CTH: variants seen among roughly 807,000 people sequenced by gnomAD.
The protein encoded by CTH is cystathionine gamma-lyase, also known as cystathionase (cystathionine gamma-lyase).
Under a neutral mutation model 50.6 loss-of-function variants are expected in CTH, and 41 were observed. The ratio of observed to expected loss-of-function variants is 0.81; its 90% CI spans 0.63 to 1.05. The LOEUF is 1.05. CTH is among the 50% of genes least tolerant of loss of function. CTH has a pLI of 0.00. For missense variants in CTH, 470 were observed against 492.6 expected (o/e 0.95, Z 0.43); for synonymous variants, 156 against 168.9 (o/e 0.92, Z 0.59).
In CTH at chr1:70,429,787, C is replaced by T. The variant is rs371610652; in HGVS notation, c.589-7C>T. The T allele has an allele frequency of 2.5e-6, 4 of 1,608,940 alleles. No individual in the cohort carries two copies. Among genetic ancestry groups the T allele is most frequent in the Non-Finnish European group, 1.7e-6 (2 of 1,175,806 alleles). On this transcript the variant is annotated splice_polypyrimidine_tract_variant and splice_region_variant and intron_variant, in intron 5 of 11. Coordinates refer to ENST00000370938, the MANE Select transcript of CTH (RefSeq NM_001902.6). ...TCTCATTTAAAGTAAAAAACTTGTTCTTTCAGCGCCCTTTGGCTCTGGGAG... is the reference window on the plus strand; with the variant it reads ...TCTCATTTAAAGTAAAAAACTTGTTTTTTCAGCGCCCTTTGGCTCTGGGAG...
intron 3 of CTH, among the ~76,000 whole-genome samples, chr1:70,421,212 T>G (rs546220481): frequency 3.7e-4 from 57 of 152,312 alleles, no homozygotes; most frequent in Non-Finnish European, 1.3e-4. Context: ...TTCATTGACA[T>G]TGATTCATTT....
rs28498802 is a variant in CTH at position 70,417,936 on chromosome 1, G to T, written c.251-1G>T. The T allele has an allele frequency of 6.2e-7, 1 of 1,613,874 alleles. No homozygotes were observed. The highest frequency in any genetic ancestry group is 1.3e-5 in the African/African-American group (1 of 74,992). ...TTACTCTAACTTGATTTTTATTTTA[G>T]GTTTGGCCTTTGCTTCAGGTTTAGC... On this transcript the variant is annotated splice_acceptor_variant, in intron 2 of 11. Coordinates refer to ENST00000370938, the MANE Select transcript of CTH (RefSeq NM_001902.6). LOFTEE classifies it high-confidence loss of function.
chr1:70,413,793 G>GT (rs1684027887), intron 1 of CTH, among the ~76,000 whole-genome samples: 1 of 145,680 alleles, frequency 6.9e-6, no homozygotes, highest in Admixed American at 7.0e-5. Context: ...CCAGGCTGGA[G>GT]TGCAGTGGTG....
Position 70,430,344 on chromosome 1 carries a change from T to G in CTH, c.674T>G (p.Val225Gly). ...NGHSDVVMGL[V>G]SVNCESLHNR... The stretch of plus-strand genomic sequence containing the variant: ...CACAGTGATGTTGTAATGGGCCTGG[T>G]GTCTGTTAATTGTGAAAGCCTTCAT... The change falls in exon 7 of 12, where the codon GTG (valine) becomes GGG (glycine). Residue 225 changes from valine (V) to glycine (G), a missense_variant. Physicochemically the swap from Val to Gly is moderately radical, Grantham distance 109. Transcript: ENST00000370938. 1 of 1,603,414 alleles carries G rather than the reference T, an allele frequency of 6.2e-7. No individual in the cohort carries two copies. The highest frequency in any genetic ancestry group is 8.5e-7 in the Non-Finnish European group (1 of 1,170,388).
At position 70,418,009 on chromosome 1, in the gene CTH, T is replaced by C. The variant is rs775667990; in HGVS notation, c.323T>C (p.Ile108Thr). ...CTTTTAAAAGCAGGAGACCAAATTA[T>C]TTGTATGGATGATGTGTATGGAGGT... The part of the protein sequence containing the change: ...THLLKAGDQI[I>T]CMDDVYGGTN... The change falls in exon 3 of 12, where the codon ATT (isoleucine) becomes ACT (threonine). Residue 108 changes from isoleucine (I) to threonine (T), a missense_variant. By Grantham distance (89) the Ile-to-Thr change is moderately conservative. Coordinates refer to ENST00000370938, the MANE Select transcript of CTH (RefSeq NM_001902.6). 18 of 1,614,038 alleles carry C rather than the reference T, an allele frequency of 1.1e-5. No homozygotes were observed. Among genetic ancestry groups the C allele is most frequent in the Non-Finnish European group, 1.4e-5 (16 of 1,180,006 alleles).
intron 5 of CTH, among the ~76,000 whole-genome samples, chr1:70,426,637 A>C (rs1442648834): frequency 6.6e-6 from 1 of 152,230 alleles, no homozygotes; most frequent in Non-Finnish European, 1.5e-5. Flanking sequence ...TTCGTGGGCC[A>C]TCTGCCTTTG....
At chr1:70,428,060 T>A (rs1684387077) in intron 5 of CTH, among the ~76,000 whole-genome samples, 1 of 152,188 alleles carries the variant, frequency 6.6e-6, no homozygotes, top group South Asian at 2.1e-4. Flanking sequence ...ACTCTGGTTG[T>A]AAACAAATAC....
In CTH at chr1:70,424,371, CATT is replaced by C; in HGVS notation, c.547_549del (p.Ile183del). ...CACATATTGTCCATAAGCATGGAGA[CATT>C]ATTTTGGTCGTGGATAACACTTTTA... On this transcript the variant is annotated inframe_deletion, in exon 5 of 12. Transcript: ENST00000370938. 1 of 1,614,062 alleles carries C rather than the reference CATT, an allele frequency of 6.2e-7. No homozygotes were observed. Among genetic ancestry groups the C allele is most frequent in the South Asian group, 1.1e-5 (1 of 91,080 alleles).
At chr1:70,424,440 G>T (rs200504511) in intron 5 of CTH, 24 bp downstream of exon 5, 1 of 1,613,042 alleles carries the variant, frequency 6.2e-7, no homozygotes, top group African/African-American at 1.3e-5. Context: ...ATTTTTTTTG[G>T]CACAATTAGT....
chr1:70,430,047 A>G (rs1287524412), intron 6 of CTH, among the ~76,000 whole-genome samples, 196 bp downstream of exon 6: 1 of 152,228 alleles, frequency 6.6e-6, no homozygotes, highest in African/African-American at 2.4e-5. Context: ...TTATGAGAAG[A>G]GGATTAAAGT....
intron 5 of CTH, among the ~76,000 whole-genome samples, chr1:70,429,346 T>C (rs1285261630): frequency 1.3e-5 from 2 of 152,096 alleles, no homozygotes; most frequent in Non-Finnish European, 2.9e-5. Flanking sequence ...ACAGCATACG[T>C]CATGAGGTTT....
chr1:70,433,538 G>A (rs1305614611), intron 8 of CTH, among the ~76,000 whole-genome samples: 2 of 152,184 alleles, frequency 1.3e-5, no homozygotes, highest in Non-Finnish European at 2.9e-5. Context: ...AGAAATTACA[G>A]GATATAATTA....
chr1:70,416,959 C>G (rs1171414661), intron 2 of CTH, among the ~76,000 whole-genome samples: 3 of 151,946 alleles, frequency 2.0e-5, no homozygotes, highest in African/African-American at 7.3e-5. Context: ...TCCCAAAGTG[C>G]TGGGATTATA....
chr1:70,434,671 T>C (rs1434273748), intron 9 of CTH, among the ~76,000 whole-genome samples: 2 of 151,632 alleles, frequency 1.3e-5, no homozygotes, highest in Non-Finnish European at 2.9e-5. Flanking sequence ...AACAAGGAAG[T>C]ATGTATAACT....
intron 10 of CTH, 93 bp from the exon 11 acceptor site, chr1:70,438,594 GA>G: frequency 7.0e-7 from 1 of 1,437,064 alleles, no homozygotes. Flanking sequence ...ATTTGGACCA[GA>G]AAAATGTTGA....
intron 8 of CTH, among the ~76,000 whole-genome samples, chr1:70,433,389 T>A (rs912632400): frequency 1.3e-5 from 2 of 152,122 alleles, no homozygotes; most frequent in African/African-American, 2.4e-5. Flanking sequence ...GACAAGGTAT[T>A]GGAGATTTAT....
Position 70,424,207 on chromosome 1 carries a change from C to T in CTH, c.457-78C>T, listed in dbSNP as rs568941141. ...GTTTCCATTATACAATGTAGCTTCC[C>T]AGATTGTTACAATATATGAGATGTA... On this transcript the variant is annotated intron_variant, in intron 4 of 11. Transcript: ENST00000370938. The T allele has an allele frequency of 9.9e-4, 1,588 of 1,607,918 alleles. 1 individual carries two copies. Among genetic ancestry groups the T allele is most frequent in the Middle Eastern group, 3.0e-3 (18 of 6,018 alleles).
intron 8 of CTH, 120 bp downstream of exon 8, chr1:70,432,355 T>C: frequency 8.1e-7 from 1 of 1,230,900 alleles, no homozygotes; most frequent in Non-Finnish European, 1.2e-6. Context: ...TGTTCATTTA[T>C]TATTGAGCAC....
chr1:70,415,928 A>C (rs781147000), intron 1 of CTH, 28 bp from the exon 2 acceptor site: 4 of 1,247,924 alleles, frequency 3.2e-6, no homozygotes, highest in Non-Finnish European at 4.7e-6. Flanking sequence ...GAAATCTCTT[A>C]GGATGAACTC....
Sources: gnomAD v4.1 joint callset for allele counts (sites outside exome capture counted in the v4.1 genomes callset) on GRCh38, gnomAD v4.1.1 for gene constraint, MANE v1.5 for transcripts, NCBI Gene and HGNC (gene_info 2026-07-23, HGNC 2026-07-21) for gene names.